The following VPS13B variants were observed in gnomAD, a reference collection of about 807,000 sequenced individuals.
VPS13B encodes intermembrane lipid transfer protein VPS13B.
A neutral mutation model predicts 426.4 loss-of-function variants in VPS13B; 285 were observed. The observed-to-expected ratio is 0.67, with a 90% CI of 0.61 to 0.74. The LOEUF (loss-of-function observed/expected upper bound fraction) is 0.74. VPS13B is among the 30% of genes least tolerant of loss of function. The probability of loss-of-function intolerance (pLI) is 0.00; values close to 1 mark genes in which losing one functional copy is unlikely to be tolerated. For missense variants in VPS13B, 4,537 were observed against 4,782.6 expected, an observed-to-expected ratio of 0.95 and a Z score of 1.51; for synonymous variants, 1,676 against 1,676.4, an observed-to-expected ratio of 1.00 and a Z score of 0.01.
chr8:99,361,746 C>G (rs955554010), intron 19 of VPS13B, among the ~76,000 whole-genome samples: 3 of 152,042 alleles, frequency 2.0e-5, no homozygotes, highest in Non-Finnish European at 4.4e-5. Context: ...AACATGATGC[C>G]TGTATAGGAA....
chr8:99,151,723 G>A (rs1339581481), intron 14 of VPS13B, among the ~76,000 whole-genome samples: 3 of 151,992 alleles, frequency 2.0e-5, no homozygotes, highest in Non-Finnish European at 4.4e-5. Flanking sequence ...AGTAGAGAAG[G>A]GGTTTCTCCA....
chr8:99,861,126 C>T (rs77318939), intron 57 of VPS13B, among the ~76,000 whole-genome samples: 13 of 152,132 alleles, frequency 8.5e-5, no homozygotes, highest in Non-Finnish European at 1.9e-4. Context: ...AAAATTGGGC[C>T]TCAGTGAAGG....
At position 99,876,484 on chromosome 8, in the gene VPS13B, TTC is replaced by T. The variant is rs1263390544; in HGVS notation, c.*819_*820del. On this transcript the variant is annotated 3_prime_UTR_variant, in exon 62 of 62. Transcript: ENST00000357162. The stretch of plus-strand genomic sequence containing the variant: ...CTATATTGAATCCAGTCCCAAAGTG[TTC>T]AGGTGAGTTTCTCTAGTTCCATAAA... The T allele has an allele frequency of 1.3e-5, 2 of 152,244 alleles. No homozygotes were observed. Among genetic ancestry groups the T allele is most frequent in the African/African-American group, 4.8e-5 (2 of 41,468 alleles). 9.4% of individuals were successfully genotyped at this position (152,244 alleles called of 1,614,324 possible).
At chr8:99,335,030 T>G (rs1032522872) in intron 19 of VPS13B, among the ~76,000 whole-genome samples, 2 of 152,210 alleles carry the variant, frequency 1.3e-5, no homozygotes, top group African/African-American at 4.8e-5. Flanking sequence ...TGCCACAATT[T>G]CAGCTCCTGT....
intron 43 of VPS13B, among the ~76,000 whole-genome samples, chr8:99,800,931 C>A (rs1813090442): frequency 6.6e-6 from 1 of 152,084 alleles, no homozygotes; most frequent in South Asian, 2.1e-4. Context: ...CCCTGACTTA[C>A]CCAGGGAAAT....
At chr8:99,367,319 T>C (rs147538515) in intron 19 of VPS13B, among the ~76,000 whole-genome samples, 156 of 152,352 alleles carry the variant, frequency 1.0e-3, no homozygotes, top group African/African-American at 3.5e-3. Flanking sequence ...AAATATTTCA[T>C]GTCACTCTCT....
chr8:99,078,790 T>C (rs1252335411), intron 3 of VPS13B, among the ~76,000 whole-genome samples: 1 of 151,844 alleles, frequency 6.6e-6, no homozygotes, highest in Non-Finnish European at 1.5e-5. Context: ...AGCAGTGGTG[T>C]TGGGCTGGGT....
chr8:99,751,238 T>G (rs1810379943), intron 39 of VPS13B, among the ~76,000 whole-genome samples: 2 of 152,176 alleles, frequency 1.3e-5, no homozygotes. Context: ...AAATAATTTT[T>G]ATTTTGATCA....
intron 19 of VPS13B, among the ~76,000 whole-genome samples, chr8:99,318,093 T>C (rs2133119925): frequency 6.6e-6 from 1 of 152,322 alleles, no homozygotes; most frequent in South Asian, 2.1e-4. Flanking sequence ...CATTGTGTTC[T>C]TGCCCTAATT....
intron 43 of VPS13B, among the ~76,000 whole-genome samples, chr8:99,789,560 T>C (rs1430814975): frequency 2.0e-5 from 3 of 152,118 alleles, no homozygotes; most frequent in African/African-American, 7.2e-5. Flanking sequence ...CCAGTAAGTC[T>C]CCCAGTAGTA....
At chr8:99,233,286 A>G in intron 17 of VPS13B, 1 of 1,142,852 alleles carries the variant, frequency 8.8e-7, no homozygotes, top group South Asian at 1.2e-5. Flanking sequence ...TCACCCGGCC[A>G]GCTGTGGAAG....
chr8:99,135,597 A>C lies in VPS13B; in HGVS notation c.1427A>C (p.Glu476Ala), dbSNP rs774945748. The C allele has an allele frequency of 2.5e-6, 4 of 1,612,924 alleles. No individual in the cohort carries two copies. In the South Asian group the frequency reaches 4.4e-5, roughly 18 times the overall value. Residue 476 changes from glutamate (E) to alanine (A), a missense_variant and splice_region_variant, in exon 11 of 62, where the codon GAA becomes GCA. Coordinates refer to ENST00000357162, the MANE Select transcript of VPS13B (RefSeq NM_152564.5). ...TATAAATTTTGCATTTGTTTTCAGG[A>C]AGCCTGTTTCTTCATTTGTGGTGAC... is the stretch of plus-strand genomic sequence containing the variant. ...FEENMNRSET[E>A]ACFFICGDNL...
At chr8:99,044,021 T>C (rs1843086221) in intron 3 of VPS13B, among the ~76,000 whole-genome samples, 2 of 151,874 alleles carry the variant, frequency 1.3e-5, no homozygotes, top group African/African-American at 4.8e-5. Context: ...CAACCATGTT[T>C]CCCTCTCTAG....
At chr8:99,223,312 A>G (rs1815833300) in intron 17 of VPS13B, among the ~76,000 whole-genome samples, 1 of 152,138 alleles carries the variant, frequency 6.6e-6, no homozygotes, top group Non-Finnish European at 1.5e-5. Context: ...TAAATATAGT[A>G]AAATGAGTAA....
At position 99,876,531 on chromosome 8, in the gene VPS13B, A is replaced by G. The variant is rs1355298703; in HGVS notation, c.*865A>G. ...CATAAACAAAACATACATAGTGGGA[A>G]CTCCCTGGTATGCCATAGAGCACAC... is the stretch of plus-strand genomic sequence containing the variant. On this transcript the variant is annotated 3_prime_UTR_variant, in exon 62 of 62. Transcript: ENST00000357162. 2 of 152,158 alleles carry G rather than the reference A, an allele frequency of 1.3e-5. No individual in the cohort carries two copies. The highest frequency in any genetic ancestry group is 4.8e-5 in the African/African-American group (2 of 41,430). The allele number at this position is 152,158 out of a possible 1,614,324, so 9.4% of individuals were successfully genotyped here.
Position 99,128,386 on chromosome 8 carries a change from CAAAAAAAAAAAAAA to C in VPS13B, c.1207-6218_1207-6205del, listed in dbSNP as rs71273165. On this transcript the variant is annotated intron_variant, in intron 8 of 61. Transcript: ENST00000357162. Reference sequence around the variant, plus strand: ...TGGGTGACAGAGCAAGATACTGTCCCAAAAAAAAAAAAAAAAAAAAAAAAAAAAAAAAAAAAAAA... The same window carrying C: ...TGGGTGACAGAGCAAGATACTGTCCCAAAAAAAAAAAAAAAAAAAAAAAAA... Among the ~76,000 whole-genome samples the C allele has an allele frequency of 2.0e-4, 7 of 34,220 alleles. No homozygotes were observed. The South Asian group carries it at 6.1e-3, about 30-fold the overall frequency. The allele number at this position is 34,220 out of a possible 152,430, so 22.4% of individuals were successfully genotyped here. A position where few individuals can be genotyped will look rare whatever the true frequency, so the allele number is the denominator to read the frequency against.
At chr8:99,685,189 C>G (rs1831333873) in intron 35 of VPS13B, among the ~76,000 whole-genome samples, 1 of 152,220 alleles carries the variant, frequency 6.6e-6, no homozygotes, top group South Asian at 2.1e-4. Flanking sequence ...GGTCTTGAAA[C>G]TTCATTTTAA....
intron 27 of VPS13B, among the ~76,000 whole-genome samples, chr8:99,506,402 C>A (rs1400518476): frequency 6.6e-6 from 1 of 152,140 alleles, no homozygotes; most frequent in Non-Finnish European, 1.5e-5. Context: ...TTTTTAATGT[C>A]ATGAATATTA....
intron 33 of VPS13B, among the ~76,000 whole-genome samples, chr8:99,601,340 T>C (rs1261589786): frequency 1.3e-5 from 2 of 152,266 alleles, no homozygotes; most frequent in African/African-American, 4.8e-5. Flanking sequence ...CATCATTTTT[T>C]ATGACTGCAT....
Sources: gnomAD v4.1 joint callset for allele counts (sites outside exome capture counted in the v4.1 genomes callset) on GRCh38, gnomAD v4.1.1 for gene constraint, MANE v1.5 for transcripts, NCBI Gene and HGNC (gene_info 2026-07-23, HGNC 2026-07-21) for gene names.